The following HIVEP2 variants were observed in gnomAD, a reference collection of about 807,000 sequenced individuals.
The protein encoded by HIVEP2 is transcription factor HIVEP2.
HIVEP2 carries 14 observed loss-of-function variants against 180.7 expected under a neutral mutation model. The observed-to-expected ratio is 0.08, with a 90% CI of 0.05 to 0.12. The LOEUF is 0.12. HIVEP2 is among the 10% of genes least tolerant of loss of function. The probability of loss-of-function intolerance (pLI) is 1.00; values close to 1 mark genes in which losing one functional copy is unlikely to be tolerated. For missense variants in HIVEP2, 2,579 were observed against 3,008.5 expected (o/e 0.86, Z 3.34); for synonymous variants, 1,184 against 1,136.4 (o/e 1.04, Z -0.84).
chr6:142,898,227 A>G (rs1777047545), intron 1 of HIVEP2, among the ~76,000 whole-genome samples: 1 of 152,180 alleles, frequency 6.6e-6, no homozygotes, highest in African/African-American at 2.4e-5. Context: ...CAGACCAGGA[A>G]ATCAAGGATC....
intron 1 of HIVEP2, among the ~76,000 whole-genome samples, chr6:142,871,445 T>C (rs1776287348): frequency 6.6e-6 from 1 of 152,184 alleles, no homozygotes; most frequent in African/African-American, 2.4e-5. Context: ...AAAGAACACA[T>C]ATCTTGTGAT....
Position 142,771,269 on chromosome 6 carries a change from T to G in HIVEP2, c.3470A>C (p.Gln1157Pro). ...SSGPLHLAQP[Q>P]IMHMDSQESL... The stretch of plus-strand genomic sequence containing the variant: ...TTCCTGACTGTCCATGTGCATGATC[T>G]GTGGCTGGGCCAGGTGCAGTGGCCC... The change falls in exon 5 of 10, where the codon CAG (glutamine) becomes CCG (proline). Residue 1157 changes from glutamine to proline, a missense_variant. Transcript: ENST00000367603. This position sits in a 1 kb window ranked among gnomAD's most constrained non-coding sequence, Gnocchi z 5.4. The G allele has an allele frequency of 6.2e-7, 1 of 1,613,934 alleles. No individual in the cohort carries two copies. Among genetic ancestry groups the G allele is most frequent in the South Asian group, 1.1e-5 (1 of 91,084 alleles).
intron 1 of HIVEP2, among the ~76,000 whole-genome samples, chr6:142,911,337 G>A (rs2128429878): frequency 6.6e-6 from 1 of 152,198 alleles, no homozygotes; most frequent in South Asian, 2.1e-4. Context: ...TCTCTAAAAA[G>A]GTGTGATGAT....
chr6:142,834,207 CAT>C (rs1331084888), intron 2 of HIVEP2, among the ~76,000 whole-genome samples: 1 of 151,974 alleles, frequency 6.6e-6, no homozygotes, highest in Non-Finnish European at 1.5e-5. Context: ...TAAGAAAAAA[CAT>C]ATAAAGGCAT....
At chr6:142,759,056 C>T (rs1291711632) in intron 9 of HIVEP2, among the ~76,000 whole-genome samples, 11 of 152,138 alleles carry the variant, frequency 7.2e-5, no homozygotes. Flanking sequence ...AATCCTAGCA[C>T]TTTGGGAGGC....
chr6:142,926,194 C>T (rs1382099218), intron 1 of HIVEP2, among the ~76,000 whole-genome samples: 1 of 152,118 alleles, frequency 6.6e-6, no homozygotes, highest in African/African-American at 2.4e-5. Flanking sequence ...CTACCTCTAG[C>T]AAAATAATAT....
chr6:142,829,367 C>T (rs1775011095), intron 2 of HIVEP2, among the ~76,000 whole-genome samples: 2 of 152,128 alleles, frequency 1.3e-5, no homozygotes, highest in Admixed American at 6.5e-5. Flanking sequence ...ATATCATTCT[C>T]GCCACCTATC....
At chr6:142,881,968 C>T (rs1010681241) in intron 1 of HIVEP2, among the ~76,000 whole-genome samples, 5 of 152,154 alleles carry the variant, frequency 3.3e-5, no homozygotes, top group African/African-American at 1.2e-4. Context: ...ACAGTTAAAG[C>T]TGTAAACACT....
intron 2 of HIVEP2, among the ~76,000 whole-genome samples, chr6:142,796,388 C>T (rs1397857764): frequency 1.3e-5 from 2 of 152,060 alleles, no homozygotes; most frequent in African/African-American, 4.8e-5. Flanking sequence ...GAAGCCTTAC[C>T]GATAACCTAA....
At chr6:142,924,998 A>G (rs936054452) in intron 1 of HIVEP2, among the ~76,000 whole-genome samples, 5 of 152,142 alleles carry the variant, frequency 3.3e-5, no homozygotes, top group Non-Finnish European at 7.3e-5. Flanking sequence ...ACATCTTTTG[A>G]GGCCACATAG....
chr6:142,802,869 T>C (rs139934479), intron 2 of HIVEP2, among the ~76,000 whole-genome samples: 2 of 152,314 alleles, frequency 1.3e-5, no homozygotes, highest in Middle Eastern at 3.4e-3. Flanking sequence ...GGTAAAGTCC[T>C]GCCATGTTTC....
intron 1 of HIVEP2, among the ~76,000 whole-genome samples, chr6:142,911,302 T>C (rs1286849435): frequency 6.6e-6 from 1 of 152,030 alleles, no homozygotes; most frequent in Admixed American, 6.6e-5. Context: ...GGGGCAGAAT[T>C]TAAACATAGC....
At chr6:142,846,264 T>C (rs1291840478) in intron 1 of HIVEP2, among the ~76,000 whole-genome samples, 1 of 152,070 alleles carries the variant, frequency 6.6e-6, no homozygotes, top group African/African-American at 2.4e-5. Context: ...TGTGATTTAA[T>C]TTCCTTTGAA....
intron 1 of HIVEP2, among the ~76,000 whole-genome samples, chr6:142,921,830 T>G (rs1167815120): frequency 6.6e-6 from 1 of 152,224 alleles, no homozygotes; most frequent in Non-Finnish European, 1.5e-5. Flanking sequence ...CTAATTTAAA[T>G]GCCTTCTCCA....
intron 2 of HIVEP2, among the ~76,000 whole-genome samples, chr6:142,827,539 C>T (rs747829831): frequency 3.9e-5 from 6 of 152,146 alleles, no homozygotes; most frequent in Non-Finnish European, 7.3e-5. Context: ...CGCACGTGCA[C>T]GCACTTCCCT....
intron 2 of HIVEP2, among the ~76,000 whole-genome samples, chr6:142,817,265 G>C (rs146867035): frequency 8.6e-4 from 131 of 152,318 alleles, no homozygotes; most frequent in African/African-American, 3.0e-3. Context: ...TGTGGCTCCA[G>C]CTTAGAATAC....
Position 142,804,495 on chromosome 6 carries a change from C to A in HIVEP2, c.-527-20880G>T, listed in dbSNP as rs187621424. Among the ~76,000 whole-genome samples, 125 of 151,952 alleles carry A rather than the reference C, an allele frequency of 8.2e-4. No homozygotes were observed. In the Middle Eastern group the frequency reaches 0.01, roughly 12 times the overall value. On this transcript the variant is annotated intron_variant, in intron 2 of 9. Transcript: ENST00000367603. Reference sequence around the variant, plus strand: ...AGACAAGAAAGAGAATTATTAGTGCCCAAAAGCCAACTGAAGACTTAATGG... The same window carrying A: ...AGACAAGAAAGAGAATTATTAGTGCACAAAAGCCAACTGAAGACTTAATGG...
chr6:142,809,287 G>A (rs1367986878), intron 2 of HIVEP2, among the ~76,000 whole-genome samples: 1 of 152,064 alleles, frequency 6.6e-6, no homozygotes, highest in Non-Finnish European at 1.5e-5. Flanking sequence ...CCTCAATTCT[G>A]GCACCATCTT....
rs1582833824 is a variant in HIVEP2 at position 142,762,980 on chromosome 6, A to AATGAAAATTAATG, written c.5519-1416_5519-1415insCATTAATTTTCAT. Among the ~76,000 whole-genome samples the AATGAAAATTAATG allele has an allele frequency of 2.0e-5, 3 of 152,334 alleles. No individual in the cohort carries two copies. The East Asian group carries it at 5.8e-4, about 29-fold the overall frequency. On this transcript the variant is annotated intron_variant, in intron 7 of 9. Coordinates refer to ENST00000367603, the MANE Select transcript of HIVEP2 (RefSeq NM_006734.4). Reference sequence around the variant, plus strand: ...TCTAGAAAATTAATGAAATGTATCTACAAATTAATAAAAATCATCACTTGT... The same window carrying AATGAAAATTAATG: ...TCTAGAAAATTAATGAAATGTATCTAATGAAAATTAATGCAAATTAATAAAAATCATCACTTGT...
Sources: allele counts gnomAD v4.1 joint callset (sites outside exome capture counted in the v4.1 genomes callset), GRCh38; gene constraint gnomAD v4.1.1; non-coding constraint Gnocchi (gnomAD v3.1); transcripts MANE v1.5; gene names NCBI Gene and HGNC (gene_info 2026-07-23, HGNC 2026-07-21).